The following LOXL2 variants were observed in gnomAD, a reference collection of about 807,000 sequenced individuals.
LOXL2 encodes lysyl oxidase like 2.
A neutral mutation model predicts 93.0 loss-of-function variants in LOXL2; 70 were observed. That is an observed-to-expected ratio of 0.75 (90% CI 0.62 to 0.92). LOXL2 has a LOEUF of 0.92. LOXL2 is among the 40% of genes least tolerant of loss of function. The pLI is 0.00. For synonymous variants in LOXL2, 438 were observed against 413.2 expected (o/e 1.06, Z -0.73); for missense variants, 973 against 1,054.9 (o/e 0.92, Z 1.08).
intron 3 of LOXL2, among the ~76,000 whole-genome samples, chr8:23,355,191 T>C (rs906965495): frequency 6.6e-6 from 1 of 151,758 alleles, no homozygotes; most frequent in African/African-American, 2.4e-5. Context: ...ATGATTTGTC[T>C]GCCTCGGCCT....
At chr8:23,319,812 G>C in intron 8 of LOXL2, 73 bp downstream of exon 8, 2 of 1,498,528 alleles carry the variant, frequency 1.3e-6, no homozygotes, top group South Asian at 2.4e-5. Context: ...CGTGGGAGAG[G>C]GGGGCTGACT....
chr8:23,318,461 A>AC (rs572244287), intron 8 of LOXL2, among the ~76,000 whole-genome samples: 6,000 of 115,448 alleles, frequency 0.052, 146 homozygotes, highest in African/African-American at 0.061. Context: ...ACACACACAC[A>AC]AAAATACACA....
chr8:23,330,373 A>G (rs985014910), intron 5 of LOXL2, among the ~76,000 whole-genome samples: 1 of 151,910 alleles, frequency 6.6e-6, no homozygotes, highest in Non-Finnish European at 1.5e-5. Context: ...TAAAACAAAA[A>G]AAATCCAAAC....
At chr8:23,299,669 A>C (rs186486441) in intron 12 of LOXL2, among the ~76,000 whole-genome samples, 2 of 152,304 alleles carry the variant, frequency 1.3e-5, no homozygotes, top group African/African-American at 4.8e-5. Flanking sequence ...AGAAGAGACA[A>C]CAGTGGTGAA....
At chr8:23,303,220 C>T (rs960365094) in intron 11 of LOXL2, 62 bp downstream of exon 11, 116 of 1,015,344 alleles carry the variant, frequency 1.1e-4, no homozygotes, top group Non-Finnish European at 1.6e-4. Flanking sequence ...GCCAGGTGAT[C>T]GTGGAGGCAG....
At chr8:23,300,314 T>C (rs1803108854) in intron 12 of LOXL2, among the ~76,000 whole-genome samples, 3 of 152,230 alleles carry the variant, frequency 2.0e-5, no homozygotes, top group African/African-American at 7.2e-5. Flanking sequence ...CTGCGGGAAG[T>C]GGCTTTAGGT....
chr8:23,351,072 G>A (rs1430415881), intron 3 of LOXL2, among the ~76,000 whole-genome samples: 1 of 152,162 alleles, frequency 6.6e-6, no homozygotes, highest in Non-Finnish European at 1.5e-5. Flanking sequence ...CTGCTGGATG[G>A]TAAGCTCAGG....
chr8:23,308,060 C>T lies in LOXL2; in HGVS notation c.1880+1608G>A, dbSNP rs932542019. Among the ~76,000 whole-genome samples, 6 of 151,962 alleles carry T rather than the reference C, an allele frequency of 3.9e-5. No homozygotes were observed. The East Asian group carries it at 9.7e-4, about 25-fold the overall frequency. ...GTCAGACAGGCCCGAGCCGGGATTC[C>T]TGCTCTCTGCAACTCCTAGCATTAT... On this transcript the variant is annotated intron_variant, in intron 10 of 13. Transcript: ENST00000389131.
At chr8:23,360,334 A>G in intron 2 of LOXL2, 69 bp from the exon 3 acceptor site, 2 of 1,193,870 alleles carry the variant, frequency 1.7e-6, no homozygotes, top group South Asian at 1.4e-5. Context: ...GCGGGGCACC[A>G]GTGTCTCACA....
In LOXL2 at chr8:23,298,126, A is replaced by T. The variant is rs1803069549; in HGVS notation, c.2246-4T>A. 1 of 1,611,964 alleles carries T rather than the reference A, an allele frequency of 6.2e-7. No homozygotes were observed. On this transcript the variant is annotated splice_region_variant and splice_polypyrimidine_tract_variant and intron_variant, in intron 13 of 13. Coordinates refer to ENST00000389131, the MANE Select transcript of LOXL2 (RefSeq NM_002318.3). ...GTCTCTTCGCTGAAGGAACCACCTGAAGAGCGAGAATCGGGTAGAGAGAGT... is the reference window on the plus strand; with the variant it reads ...GTCTCTTCGCTGAAGGAACCACCTGTAGAGCGAGAATCGGGTAGAGAGAGT...
intron 5 of LOXL2, chr8:23,328,993 CA>C (rs1430546842): frequency 3.4e-5 from 6 of 177,332 alleles, no homozygotes; most frequent in Non-Finnish European, 3.5e-5. Flanking sequence ...CTGCAGATTC[CA>C]AATGGATAAT....
At chr8:23,395,031 G>A (rs1057296198) in intron 1 of LOXL2, among the ~76,000 whole-genome samples, 5 of 152,114 alleles carry the variant, frequency 3.3e-5, no homozygotes, top group South Asian at 2.1e-4. Context: ...CAAGGTGGGC[G>A]GATCACGAGG....
chr8:23,396,532 C>T (rs1204957815), intron 1 of LOXL2, among the ~76,000 whole-genome samples: 12 of 152,154 alleles, frequency 7.9e-5, no homozygotes, highest in Admixed American at 7.2e-4. Context: ...TGGAATGATC[C>T]TAGTGGTGAT....
chr8:23,358,661 G>T (rs1804237152), intron 3 of LOXL2, among the ~76,000 whole-genome samples: 1 of 152,200 alleles, frequency 6.6e-6, no homozygotes, highest in South Asian at 2.1e-4. Context: ...TGTGTTAACT[G>T]TTTGGATAAA....
chr8:23,328,284 G>T, intron 6 of LOXL2, 98 bp downstream of exon 6: 1 of 1,309,588 alleles, frequency 7.6e-7, no homozygotes, highest in Non-Finnish European at 1.1e-6. Flanking sequence ...AGGAGGGAAA[G>T]TGAGGATTTC....
At position 23,298,906 on chromosome 8, in the gene LOXL2, G is replaced by A. The variant is rs370045440; in HGVS notation, c.2175C>T (p.Tyr725=). ...NPNFEVAESD[Y]SNNIMKCRSR... is the part of the protein sequence containing the mutation. The stretch of plus-strand genomic sequence containing the variant: ...TCCTGCATTTCATGATGTTGTTGGA[G>A]TAATCGGATTCTGCAACCTCGAAGT... The change falls in exon 13 of 14, where the codon TAC becomes TAT. Residue 725 remains tyrosine, a synonymous_variant. Transcript: ENST00000389131. The A allele has an allele frequency of 8.1e-6, 13 of 1,613,840 alleles. No individual in the cohort carries two copies. In the East Asian group the frequency reaches 1.1e-4, roughly 14 times the overall value.
chr8:23,383,190 G>A (rs996678038), intron 1 of LOXL2, among the ~76,000 whole-genome samples: 8 of 152,078 alleles, frequency 5.3e-5, no homozygotes, highest in Non-Finnish European at 8.8e-5. Flanking sequence ...ACTTACTGGC[G>A]CCAGGGCTTC....
rs58347035 is a variant in LOXL2 at position 23,307,953 on chromosome 8, G to GGAAAAAAAAAAAAAAAAA, written c.1880+1714_1880+1715insTTTTTTTTTTTTTTTTTC. On this transcript the variant is annotated intron_variant, in intron 10 of 13. Transcript: ENST00000389131. ...GTGACTAGGTCATCAGCTGCGATAT[G>GGAAAAAAAAAAAAAAAAA]AAAAAAAAAAAAAAAAAAAAGCCAA... 3.9e-4 allele frequency among the ~76,000 whole-genome samples: 33 copies of GGAAAAAAAAAAAAAAAAA among 83,550 alleles called. 13 individuals carry two copies. Among genetic ancestry groups the GGAAAAAAAAAAAAAAAAA allele is most frequent in the South Asian group, 8.5e-4 (2 of 2,348 alleles). The allele number at this position is 83,550 out of a possible 152,430, so 54.8% of individuals were successfully genotyped here.
chr8:23,359,003 G>A (rs1384108176), intron 3 of LOXL2, among the ~76,000 whole-genome samples: 1 of 152,080 alleles, frequency 6.6e-6, no homozygotes, highest in Non-Finnish European at 1.5e-5. Flanking sequence ...AACAACGTCT[G>A]GCTATTTTTT....
Sources: allele counts gnomAD v4.1 joint callset (sites outside exome capture counted in the v4.1 genomes callset), GRCh38; gene constraint gnomAD v4.1.1; transcripts MANE v1.5; gene names NCBI Gene and HGNC (gene_info 2026-07-23, HGNC 2026-07-21).